Variants in KCNU1 observed in about 807,000 individuals in gnomAD.
The protein encoded by KCNU1 is potassium calcium-activated channel subfamily U member 1.
In KCNU1, 93 loss-of-function variants were observed where a neutral mutation model predicts 126.8. The ratio of observed to expected loss-of-function variants is 0.73; its 90% CI spans 0.62 to 0.87. The LOEUF (loss-of-function observed/expected upper bound fraction) is 0.87, where lower values mean the gene tolerates loss of function less well. KCNU1 is among the 40% of genes least tolerant of loss of function. The pLI, the probability that KCNU1 is intolerant of heterozygous loss-of-function variation, is 0.00. For missense variants in KCNU1, 1,330 were observed against 1,367.1 expected (o/e 0.97, Z 0.43); for synonymous variants, 523 against 494.2 (o/e 1.06, Z -0.77).
At chr8:36,865,428 G>A (rs774211519) in intron 19 of KCNU1, among the ~76,000 whole-genome samples, 1 of 151,864 alleles carries the variant, frequency 6.6e-6, no homozygotes. Context: ...AGCAGTATTC[G>A]CAATAGCCAA....
At chr8:36,817,531 G>A in intron 9 of KCNU1, 119 bp from the exon 10 acceptor site, 1 of 511,042 alleles carries the variant, frequency 2.0e-6, no homozygotes, top group Non-Finnish European at 3.5e-6. Flanking sequence ...AAAAATCTGG[G>A]TGATGCAAAT....
At chr8:36,877,447 C>T (rs919037688) in intron 19 of KCNU1, among the ~76,000 whole-genome samples, 30 of 151,780 alleles carry the variant, frequency 2.0e-4, no homozygotes, top group African/African-American at 6.8e-4. Context: ...AGATTACAGG[C>T]GCCCACCACC....
At chr8:36,856,811 C>T (rs772477527) in intron 18 of KCNU1, among the ~76,000 whole-genome samples, 4 of 152,174 alleles carry the variant, frequency 2.6e-5, no homozygotes, top group Admixed American at 1.3e-4. Context: ...CCTAAGAGAA[C>T]GGTTATTAAC....
chr8:36,915,100 C>G (rs185824643), intron 22 of KCNU1, among the ~76,000 whole-genome samples: 2 of 152,114 alleles, frequency 1.3e-5, no homozygotes, highest in Admixed American at 1.3e-4. Context: ...TGTCTGTACC[C>G]GATTAGAACA....
chr8:36,833,515 C>T, intron 10 of KCNU1, 39 bp from the exon 11 acceptor site: 2 of 1,232,272 alleles, frequency 1.6e-6, no homozygotes, highest in Non-Finnish European at 2.4e-6. Context: ...AGTCAATCAT[C>T]TTTTTTCCCT....
At chr8:36,919,742 C>A (rs955227936) in intron 23 of KCNU1, among the ~76,000 whole-genome samples, 4 of 152,218 alleles carry the variant, frequency 2.6e-5, no homozygotes, top group African/African-American at 4.8e-5. Flanking sequence ...CTGGCTGTGA[C>A]TTGACCTGAT....
chr8:36,888,142 T>C (rs534192192), intron 19 of KCNU1, among the ~76,000 whole-genome samples: 1 of 152,248 alleles, frequency 6.6e-6, no homozygotes, highest in African/African-American at 2.4e-5. Context: ...AACTAAGAGA[T>C]GATGCCAATT....
At chr8:36,895,240 A>G (rs1211868318) in intron 19 of KCNU1, among the ~76,000 whole-genome samples, 2 of 151,908 alleles carry the variant, frequency 1.3e-5, no homozygotes, top group African/African-American at 4.8e-5. Flanking sequence ...CACCACGCCC[A>G]GCTAATTTTT....
intron 26 of KCNU1, among the ~76,000 whole-genome samples, chr8:36,934,580 GT>G (rs1808799068): frequency 6.6e-6 from 1 of 152,060 alleles, no homozygotes; most frequent in Non-Finnish European, 1.5e-5. Context: ...TGATATTTTT[GT>G]TTTAAACAGA....
At chr8:36,823,459 A>G (rs947870788) in intron 10 of KCNU1, among the ~76,000 whole-genome samples, 7 of 152,156 alleles carry the variant, frequency 4.6e-5, no homozygotes, top group Admixed American at 3.9e-4. Context: ...TTGTTTCGGT[A>G]TTATGATCTT....
intron 12 of KCNU1, among the ~76,000 whole-genome samples, chr8:36,835,976 T>A (rs10087275): frequency 0.2 from 30,569 of 152,120 alleles, 3,367 homozygotes; most frequent in Admixed American, 0.32. Context: ...TATTTTTACC[T>A]GTAATTATTA....
At chr8:36,809,754 C>T (rs548566587) in intron 7 of KCNU1, among the ~76,000 whole-genome samples, 3 of 152,170 alleles carry the variant, frequency 2.0e-5, no homozygotes, top group Non-Finnish European at 4.4e-5. Flanking sequence ...GTGGCCACCA[C>T]AGGATGCTAA....
intron 19 of KCNU1, among the ~76,000 whole-genome samples, chr8:36,882,200 A>G (rs1403115386): frequency 6.6e-6 from 1 of 152,186 alleles, no homozygotes; most frequent in East Asian, 1.9e-4. Context: ...TGAGGATGTC[A>G]TTTGGATAAG....
intron 18 of KCNU1, among the ~76,000 whole-genome samples, chr8:36,848,844 GTCACCCCTTA>G (rs1805242330): frequency 6.6e-6 from 1 of 152,010 alleles, no homozygotes; most frequent in South Asian, 2.1e-4. Flanking sequence ...TCCTGGCCTA[GTCACCCCTTA>G]TCAACCTGAA....
intron 19 of KCNU1, among the ~76,000 whole-genome samples, chr8:36,878,605 C>T (rs776130611): frequency 1.3e-5 from 2 of 151,936 alleles, no homozygotes; most frequent in Non-Finnish European, 2.9e-5. Flanking sequence ...ACAAACTTGA[C>T]CATTGGGTAG....
chr8:36,843,963 A>T (rs1805048664), intron 16 of KCNU1, among the ~76,000 whole-genome samples: 1 of 152,246 alleles, frequency 6.6e-6, no homozygotes, highest in Admixed American at 6.5e-5. Context: ...CCATGTTAGG[A>T]AAATCCTTAA....
intron 23 of KCNU1, among the ~76,000 whole-genome samples, chr8:36,919,445 A>C (rs1808257766): frequency 6.6e-6 from 1 of 151,660 alleles, no homozygotes; most frequent in Non-Finnish European, 1.5e-5. Context: ...AAAAAAAAAA[A>C]ACTCTCGAAG....
At chr8:36,892,944 C>T (rs1807026385) in intron 19 of KCNU1, among the ~76,000 whole-genome samples, 1 of 151,838 alleles carries the variant, frequency 6.6e-6, no homozygotes, top group African/African-American at 2.4e-5. Flanking sequence ...TTTTAATACC[C>T]TCTATAGAAG....
At chr8:36,929,869 G>A (rs145037234) in intron 24 of KCNU1, among the ~76,000 whole-genome samples, 2 of 152,186 alleles carry the variant, frequency 1.3e-5, no homozygotes, top group African/African-American at 4.8e-5. Context: ...GTGTTTCTGG[G>A]AATTGCTGTG....
Sources: allele counts gnomAD v4.1 joint callset (sites outside exome capture counted in the v4.1 genomes callset), GRCh38; gene constraint gnomAD v4.1.1; transcripts MANE v1.5; gene names NCBI Gene and HGNC (gene_info 2026-07-23, HGNC 2026-07-21).